MACROD2: variants seen among roughly 807,000 people sequenced by gnomAD.
MACROD2 encodes ADP-ribose glycohydrolase MACROD2.
MACROD2 carries 36 observed loss-of-function variants against 70.4 expected under a neutral mutation model. That is an observed-to-expected ratio of 0.51 (90% CI 0.39 to 0.68). MACROD2 has a LOEUF of 0.68. MACROD2 is among the 30% of genes least tolerant of loss of function. MACROD2 has a pLI of 0.00. For synonymous variants in MACROD2, 172 were observed against 178.8 expected, an observed-to-expected ratio of 0.96 and a Z score of 0.30; for missense variants, 496 against 538.4, an observed-to-expected ratio of 0.92 and a Z score of 0.78.
At chr20:15,018,315 A>G (rs2075137303) in intron 5 of MACROD2, among the ~76,000 whole-genome samples, 1 of 152,310 alleles carries the variant, frequency 6.6e-6, no homozygotes, top group East Asian at 1.9e-4. Flanking sequence ...CCTTTGCTCT[A>G]GGTCCCAATA....
chr20:14,434,063 TAGTC>T (rs1825914088), intron 3 of MACROD2, among the ~76,000 whole-genome samples: 2 of 152,188 alleles, frequency 1.3e-5, no homozygotes, highest in South Asian at 4.1e-4. Context: ...GTCTTAGTTT[TAGTC>T]AGTATGTTTT....
At chr20:14,934,847 TGGA>T (rs2074326960) in intron 5 of MACROD2, 2 of 151,912 alleles carry the variant, frequency 1.3e-5, no homozygotes, top group South Asian at 2.1e-4. Flanking sequence ...AGGGACTCTC[TGGA>T]GGAGGAGATT....
intron 8 of MACROD2, among the ~76,000 whole-genome samples, chr20:15,845,671 A>G (rs76997211): frequency 0.03 from 4,578 of 152,202 alleles, 139 homozygotes; most frequent in East Asian, 0.13. Flanking sequence ...AACATGTCCA[A>G]TAATAGTTTT....
chr20:15,963,195 A>G (rs755892831), intron 12 of MACROD2, among the ~76,000 whole-genome samples: 8 of 152,178 alleles, frequency 5.3e-5, no homozygotes, highest in Non-Finnish European at 1.2e-4. Flanking sequence ...CAATTTTTGC[A>G]TCAAGCTCTG....
At chr20:14,315,996 AT>A (rs1159613126) in intron 3 of MACROD2, among the ~76,000 whole-genome samples, 1 of 152,176 alleles carries the variant, frequency 6.6e-6, no homozygotes, top group Admixed American at 6.5e-5. Flanking sequence ...TAATCTTGGC[AT>A]TTGTTAACTT....
chr20:15,838,944 A>C (rs1244486674), intron 8 of MACROD2, among the ~76,000 whole-genome samples: 1 of 152,128 alleles, frequency 6.6e-6, no homozygotes, highest in Non-Finnish European at 1.5e-5. Flanking sequence ...GGCTTTGGGT[A>C]CTCAACTCAT....
chr20:15,454,026 G>A (rs1300336209), intron 7 of MACROD2, among the ~76,000 whole-genome samples: 2 of 152,098 alleles, frequency 1.3e-5, no homozygotes, highest in African/African-American at 4.8e-5. Context: ...TTACTCTGCT[G>A]TGAAAATGAA....
intron 5 of MACROD2, among the ~76,000 whole-genome samples, chr20:14,943,474 T>A (rs2074406663): frequency 6.7e-6 from 1 of 150,034 alleles, no homozygotes; most frequent in South Asian, 2.1e-4. Context: ...CTTTAAAGTT[T>A]ATTAAGTCTA....
At chr20:15,952,778 G>T (rs546383200) in intron 12 of MACROD2, among the ~76,000 whole-genome samples, 1 of 152,046 alleles carries the variant, frequency 6.6e-6, no homozygotes, top group Admixed American at 6.6e-5. Context: ...GATATTGTTT[G>T]TATTTCCCTA....
chr20:15,089,124 A>G (rs2075774500), intron 5 of MACROD2, among the ~76,000 whole-genome samples: 2 of 152,264 alleles, frequency 1.3e-5, no homozygotes, highest in African/African-American at 4.8e-5. Context: ...ATAATCATGT[A>G]TTAGCTTAAG....
intron 4 of MACROD2, among the ~76,000 whole-genome samples, chr20:14,670,960 T>C (rs1002939051): frequency 6.6e-6 from 1 of 152,166 alleles, no homozygotes. Flanking sequence ...AGATCTGCTA[T>C]GGAAGTAAGC....
chr20:15,632,548 TA>T (rs1171110497), intron 8 of MACROD2, among the ~76,000 whole-genome samples: 1 of 152,148 alleles, frequency 6.6e-6, no homozygotes, highest in Non-Finnish European at 1.5e-5. Flanking sequence ...GACCAGGAAA[TA>T]CCTTACAGTG....
chr20:15,623,195 G>C (rs1411305497), intron 8 of MACROD2, among the ~76,000 whole-genome samples: 2 of 152,086 alleles, frequency 1.3e-5, no homozygotes, highest in Non-Finnish European at 2.9e-5. Context: ...AAACAAAACT[G>C]TTTCTAATTA....
rs1243822745 is a variant in MACROD2 at position 14,020,401 on chromosome 20, A to C, written c.163+17997A>C. ...GGCAGGGGAATCACTTGAACCTGGG[A>C]GGTGGTGGCTGCAGTGAGCCGAGAT... On this transcript the variant is annotated intron_variant, in intron 2 of 17. Coordinates refer to ENST00000684519, the MANE Select transcript of MACROD2 (RefSeq NM_001351661.2). Among the ~76,000 whole-genome samples, 5 of 152,130 alleles carry C rather than the reference A, an allele frequency of 3.3e-5. No homozygotes were observed. In the East Asian group the frequency reaches 5.8e-4, roughly 18 times the overall value.
intron 3 of MACROD2, among the ~76,000 whole-genome samples, chr20:14,451,709 C>T (rs2084247453): frequency 6.6e-6 from 1 of 152,138 alleles, no homozygotes; most frequent in East Asian, 1.9e-4. Context: ...AGCCCCCAGG[C>T]AGAGCAATGC....
chr20:15,573,170 A>C (rs531534552), intron 8 of MACROD2, among the ~76,000 whole-genome samples: 53 of 152,306 alleles, frequency 3.5e-4, no homozygotes, highest in African/African-American at 1.3e-3. Flanking sequence ...GTTATATTTC[A>C]CTAAGCCATA....
At chr20:14,351,971 C>G (rs1158401057) in intron 3 of MACROD2, among the ~76,000 whole-genome samples, 1 of 152,120 alleles carries the variant, frequency 6.6e-6, no homozygotes, top group Non-Finnish European at 1.5e-5. Flanking sequence ...TTTTCAGCAG[C>G]AATTGAAATG....
intron 5 of MACROD2, among the ~76,000 whole-genome samples, chr20:15,152,647 C>CAG (rs199670766): frequency 0.59 from 88,200 of 150,496 alleles, 26,031 homozygotes; most frequent in East Asian, 0.65. Flanking sequence ...GGTAGAGACA[C>CAG]AGAGAAGGGG....
intron 8 of MACROD2, among the ~76,000 whole-genome samples, chr20:15,544,443 T>G (rs2048000687): frequency 6.6e-6 from 1 of 152,236 alleles, no homozygotes; most frequent in Non-Finnish European, 1.5e-5. Context: ...TTTCAGTGCA[T>G]GCTCTGAATT....
Sources: gnomAD v4.1 joint callset for allele counts (sites outside exome capture counted in the v4.1 genomes callset) on GRCh38, gnomAD v4.1.1 for gene constraint, MANE v1.5 for transcripts, NCBI Gene and HGNC (gene_info 2026-07-23, HGNC 2026-07-21) for gene names.